BMP10: variants seen among roughly 807,000 people sequenced by gnomAD.
BMP10 encodes bone morphogenetic protein 10.
In BMP10, 9 loss-of-function variants were observed where a neutral mutation model predicts 29.9. The observed-to-expected ratio is 0.30, with a 90% CI of 0.18 to 0.53. The LOEUF is 0.53. Among genes scored for constraint, BMP10 ranks in the 20% least tolerant of loss-of-function variants. The pLI is 0.96. For synonymous variants in BMP10, 202 were observed against 200.2 expected (o/e 1.01, Z -0.07); for missense variants, 474 against 524.3 (o/e 0.90, Z 0.94).
Position 68,866,059 on chromosome 2 carries a change from C to T in BMP10, c.847G>A (p.Asp283Asn). 1.2e-6 allele frequency: 2 copies of T among 1,614,094 alleles called. No homozygotes were observed. Among genetic ancestry groups the T allele is most frequent in the Non-Finnish European group, 1.7e-6 (2 of 1,179,978 alleles). Residue 283 changes from aspartate (D) to asparagine (N), a missense_variant, in exon 2 of 2, where the codon GAC becomes AAC. This residue lies in a region of BMP10 where 408 missense variants were observed against 415.3 expected (regional missense o/e 0.98). Transcript: ENST00000295379. ...MISHEQLPELDNLGLDSFSSG... is the reference protein window; with the variant it reads ...MISHEQLPELNNLGLDSFSSG... ...GAAAAGCTATCCAGGCCCAAGTTGT[C>T]CAGCTCTGGAAGTTGCTCATGGGAA...
At chr2:68,866,931 C>T (rs80020226) in intron 1 of BMP10, among the ~76,000 whole-genome samples, 1,922 of 152,264 alleles carry the variant, frequency 0.013, 31 homozygotes, top group African/African-American at 0.043. Flanking sequence ...ACAAACAAAA[C>T]GCCACCAAAT....
chr2:68,870,162 A>T (rs3792230), intron 1 of BMP10, among the ~76,000 whole-genome samples: 108,779 of 152,056 alleles, frequency 0.72, 39,262 homozygotes, highest in East Asian at 0.87. Flanking sequence ...AACTGGCAAA[A>T]ATTAAATTAG....
At position 68,862,748 on chromosome 2, in the gene BMP10, G is replaced by A. The variant is rs1339328084; in HGVS notation, c.*2883C>T. 3.3e-5 allele frequency among the ~76,000 whole-genome samples: 5 copies of A among 152,120 alleles called. No homozygotes were observed. The highest frequency in any genetic ancestry group is 2.1e-4 in the South Asian group (1 of 4,830). ...GACACCGGTGTGCTGCCGGGGTTCCGGTGGGAGCTGGGAGAACTCCTCTAC... is the reference window on the plus strand; with the variant it reads ...GACACCGGTGTGCTGCCGGGGTTCCAGTGGGAGCTGGGAGAACTCCTCTAC... On this transcript the variant is annotated 3_prime_UTR_variant, in exon 2 of 2. Coordinates refer to ENST00000295379, the MANE Select transcript of BMP10 (RefSeq NM_014482.3).
Position 68,861,765 on chromosome 2 carries a change from A to G in BMP10, c.*3866T>C, listed in dbSNP as rs1682863039. 6.6e-6 allele frequency among the ~76,000 whole-genome samples: 1 copy of G among 152,232 alleles called. No homozygotes were observed. Among genetic ancestry groups the G allele is most frequent in the African/African-American group, 2.4e-5 (1 of 41,470 alleles). On this transcript the variant is annotated 3_prime_UTR_variant, in exon 2 of 2. Transcript: ENST00000295379. ...ATCTTTTACTTGAAGAATATAAATC[A>G]TAACAAATACTGAAACATTTAGTAA... is the stretch of plus-strand genomic sequence containing the variant.
intron 1 of BMP10, among the ~76,000 whole-genome samples, chr2:68,867,288 A>G (rs1283152205): frequency 1.3e-5 from 2 of 152,248 alleles, no homozygotes; most frequent in Non-Finnish European, 2.9e-5. Flanking sequence ...GGCCCTTTAC[A>G]GTAGAAACTT....
chr2:68,866,571 T>A lies in BMP10; in HGVS notation c.335A>T (p.Asp112Val), dbSNP rs772821992. 1.9e-6 allele frequency: 3 copies of A among 1,601,684 alleles called. No individual in the cohort carries two copies. Among genetic ancestry groups the A allele is most frequent in the Non-Finnish European group, 2.6e-6 (3 of 1,174,546 alleles). The change falls in exon 2 of 2, where the codon GAT (aspartate) becomes GTT (valine). Residue 112 changes from aspartate to valine, a missense_variant and splice_region_variant. By Grantham distance (152) the Asp-to-Val change is radical (BLOSUM62 -3). Coordinates refer to ENST00000295379, the MANE Select transcript of BMP10 (RefSeq NM_014482.3). Reference protein sequence around the residue: ...ANIIRSFKNEDLFSQPVSFNG... With the variant: ...ANIIRSFKNEVLFSQPVSFNG... ...AAAACTGACCGGCTGGGAAAACAGA[T>A]CTGAAAAAAGAAATTTGCAAAAATC... is the stretch of plus-strand genomic sequence containing the variant.
rs760089889 is a variant in BMP10 at position 68,864,198 on chromosome 2, A to G, written c.*1433T>C. Reference sequence around the variant, plus strand: ...ATGGGAAAGTTACTGGGTTTCTACCATGAAACAATCATGATTTCAAAATTC... The same window carrying G: ...ATGGGAAAGTTACTGGGTTTCTACCGTGAAACAATCATGATTTCAAAATTC... On this transcript the variant is annotated 3_prime_UTR_variant, in exon 2 of 2. Coordinates refer to ENST00000295379, the MANE Select transcript of BMP10 (RefSeq NM_014482.3). Among the ~76,000 whole-genome samples the G allele has an allele frequency of 6.6e-6, 1 of 152,204 alleles. No individual in the cohort carries two copies. Among genetic ancestry groups the G allele is most frequent in the Non-Finnish European group, 1.5e-5 (1 of 68,034 alleles).
At position 68,864,420 on chromosome 2, in the gene BMP10, G is replaced by A. The variant is rs1682915533; in HGVS notation, c.*1211C>T. Among the ~76,000 whole-genome samples the A allele has an allele frequency of 6.6e-6, 1 of 152,108 alleles. No homozygotes were observed. The highest frequency in any genetic ancestry group is 2.4e-5 in the African/African-American group (1 of 41,412). ...AATAAAATCAAATTAAATATCACGG[G>A]AAGATTTAGAAATTAGAACACTAAC... is the stretch of plus-strand genomic sequence containing the variant. On this transcript the variant is annotated 3_prime_UTR_variant, in exon 2 of 2. Coordinates refer to ENST00000295379, the MANE Select transcript of BMP10 (RefSeq NM_014482.3).
chr2:68,869,161 A>G (rs1683023912), intron 1 of BMP10, among the ~76,000 whole-genome samples: 1 of 152,098 alleles, frequency 6.6e-6, no homozygotes, highest in African/African-American at 2.4e-5. Flanking sequence ...TTGATTCTCT[A>G]CTCGTTTTGC....
rs760130579 is a variant in BMP10 at position 68,866,059 on chromosome 2, C to G, written c.847G>C (p.Asp283His). ...MISHEQLPEL[D>H]NLGLDSFSSG... ...GAAAAGCTATCCAGGCCCAAGTTGT[C>G]CAGCTCTGGAAGTTGCTCATGGGAA... Residue 283 changes from aspartate (D) to histidine (H), a missense_variant, in exon 2 of 2, where the codon GAC becomes CAC. This residue lies in a region of BMP10 where 408 missense variants were observed against 415.3 expected (regional missense o/e 0.98). Transcript: ENST00000295379. The G allele has an allele frequency of 1.9e-6, 3 of 1,614,094 alleles. No homozygotes were observed. The highest frequency in any genetic ancestry group is 1.7e-6 in the Non-Finnish European group (2 of 1,179,978).
At position 68,864,416 on chromosome 2, in the gene BMP10, A is replaced by G. The variant is rs1303472673; in HGVS notation, c.*1215T>C. 6.6e-6 allele frequency among the ~76,000 whole-genome samples: 1 copy of G among 152,220 alleles called. No individual in the cohort carries two copies. The highest frequency in any genetic ancestry group is 1.5e-5 in the Non-Finnish European group (1 of 68,036). ...TTAAAATAAAATCAAATTAAATATCACGGGAAGATTTAGAAATTAGAACAC... is the reference window on the plus strand; with the variant it reads ...TTAAAATAAAATCAAATTAAATATCGCGGGAAGATTTAGAAATTAGAACAC... On this transcript the variant is annotated 3_prime_UTR_variant, in exon 2 of 2. Coordinates refer to ENST00000295379, the MANE Select transcript of BMP10 (RefSeq NM_014482.3).
chr2:68,868,460 A>C (rs539903243), intron 1 of BMP10, among the ~76,000 whole-genome samples: 1 of 152,316 alleles, frequency 6.6e-6, no homozygotes, highest in South Asian at 2.1e-4. Flanking sequence ...GGATTTTCCC[A>C]ACTAGATTGC....
chr2:68,861,177 T>C lies in BMP10; in HGVS notation c.*4454A>G, dbSNP rs1682847692. Reference sequence around the variant, plus strand: ...AGTGATAACTATACAAATGTGGACATGGATAATGAACAGGTTTTACCCCAG... The same window carrying C: ...AGTGATAACTATACAAATGTGGACACGGATAATGAACAGGTTTTACCCCAG... On this transcript the variant is annotated 3_prime_UTR_variant, in exon 2 of 2. Coordinates refer to ENST00000295379, the MANE Select transcript of BMP10 (RefSeq NM_014482.3). 6.6e-6 allele frequency among the ~76,000 whole-genome samples: 1 copy of C among 152,216 alleles called. No homozygotes were observed. The highest frequency in any genetic ancestry group is 2.4e-5 in the African/African-American group (1 of 41,462).
chr2:68,867,020 G>C (rs1004009278), intron 1 of BMP10, among the ~76,000 whole-genome samples: 1 of 152,018 alleles, frequency 6.6e-6, no homozygotes, highest in African/African-American at 2.4e-5. Flanking sequence ...TGTGTTTGTA[G>C]TGGGTGGAGA....
chr2:68,868,813 A>G (rs1289252779), intron 1 of BMP10, among the ~76,000 whole-genome samples: 3 of 152,228 alleles, frequency 2.0e-5, no homozygotes, highest in Non-Finnish European at 4.4e-5. Context: ...TTTTGGTTTT[A>G]ATGGATATAT....
intron 1 of BMP10, among the ~76,000 whole-genome samples, chr2:68,869,383 G>A (rs560407504): frequency 5.6e-4 from 86 of 152,308 alleles, no homozygotes; most frequent in African/African-American, 2.0e-3. Context: ...GGCATGTCCT[G>A]TGCGATTTCT....
chr2:68,865,426 C>T lies in BMP10; in HGVS notation c.*205G>A. The T allele has an allele frequency of 3.4e-6, 2 of 580,208 alleles. No homozygotes were observed. Among genetic ancestry groups the T allele is most frequent in the East Asian group, 2.8e-5 (1 of 35,288 alleles). 35.9% of individuals were successfully genotyped at this position (580,208 alleles called of 1,614,324 possible). On this transcript the variant is annotated 3_prime_UTR_variant, in exon 2 of 2. Transcript: ENST00000295379. The surrounding 1 kb of genome is among the most constrained non-coding windows in gnomAD (Gnocchi z 4.7). ...CAAATCAACAGGGAGGTGGCATTGCCAGGAAATGGCAAGTCCAAAGAGAAA... is the reference window on the plus strand; with the variant it reads ...CAAATCAACAGGGAGGTGGCATTGCTAGGAAATGGCAAGTCCAAAGAGAAA...
At chr2:68,867,565 G>A (rs1399458376) in intron 1 of BMP10, among the ~76,000 whole-genome samples, 1 of 152,188 alleles carries the variant, frequency 6.6e-6, no homozygotes, top group African/African-American at 2.4e-5. Context: ...ATACGATCAT[G>A]TTGACTTCCT....
At chr2:68,867,032 C>A (rs566643215) in intron 1 of BMP10, among the ~76,000 whole-genome samples, 1 of 151,980 alleles carries the variant, frequency 6.6e-6, no homozygotes, top group Non-Finnish European at 1.5e-5. Context: ...GGGTGGAGAT[C>A]CCCGCACAGT....
Sources: gnomAD v4.1 joint callset for allele counts (sites outside exome capture counted in the v4.1 genomes callset) on GRCh38, gnomAD v4.1.1 for gene constraint, gnomAD v4.1.1 regional missense constraint, Gnocchi (gnomAD v3.1) non-coding constraint, MANE v1.5 for transcripts, NCBI Gene and HGNC (gene_info 2026-07-23, HGNC 2026-07-21) for gene names.